GART: variants seen among roughly 807,000 people sequenced by gnomAD.
The protein encoded by GART is phosphoribosylglycinamide formyltransferase, phosphoribosylglycinamide synthetase, phosphoribosylaminoimidazole synthetase, also known as trifunctional purine biosynthetic protein adenosine-3.
Under a neutral mutation model 107.2 loss-of-function variants are expected in GART, and 43 were observed. That is an observed-to-expected ratio of 0.40 (90% confidence interval 0.31 to 0.52). The LOEUF (loss-of-function observed/expected upper bound fraction) is 0.52, where lower values mean the gene tolerates loss of function less well. GART is among the 20% of genes least tolerant of loss of function. GART has a pLI of 0.52. For missense variants in GART, 1,107 were observed against 1,206.5 expected (o/e 0.92, Z 1.22); for synonymous variants, 434 against 427.0 (o/e 1.02, Z -0.20).
At chr21:33,506,629 C>A (rs985762410) in intron 18 of GART, among the ~76,000 whole-genome samples, 2 of 152,252 alleles carry the variant, frequency 1.3e-5, no homozygotes, top group East Asian at 3.9e-4. Flanking sequence ...AGTAAGGAGA[C>A]AACCCACAGA....
At chr21:33,517,840 T>C (rs1166150639) in intron 14 of GART, among the ~76,000 whole-genome samples, 1 of 152,230 alleles carries the variant, frequency 6.6e-6, no homozygotes, top group African/African-American at 2.4e-5. Context: ...TACAAGTATA[T>C]ATGCAGCCGC....
intron 10 of GART, among the ~76,000 whole-genome samples, chr21:33,527,672 G>A (rs1007334007): frequency 3.3e-5 from 5 of 152,052 alleles, no homozygotes; most frequent in African/African-American, 9.7e-5. Flanking sequence ...TATATAAAGA[G>A]AGAGAGAAAA....
chr21:33,533,429 A>C (rs1266821228), intron 4 of GART, among the ~76,000 whole-genome samples: 1 of 127,806 alleles, frequency 7.8e-6, no homozygotes, highest in Non-Finnish European at 1.6e-5. Flanking sequence ...TGGGTGAAAG[A>C]ACGAGACTCA....
At chr21:33,508,265 A>G (rs1452313767) in intron 18 of GART, among the ~76,000 whole-genome samples, 1 of 152,146 alleles carries the variant, frequency 6.6e-6, no homozygotes, top group Non-Finnish European at 1.5e-5. Flanking sequence ...CTGCTTAATT[A>G]AGCAAGAAAA....
At position 33,524,947 on chromosome 21, in the gene GART, G is replaced by C; in HGVS notation, c.1120C>G (p.Leu374Val). 1 of 1,614,164 alleles carries C rather than the reference G, an allele frequency of 6.2e-7. No individual in the cohort carries two copies. The highest frequency in any genetic ancestry group is 1.3e-5 in the African/African-American group (1 of 75,024). Residue 374 changes from leucine to valine, a missense_variant, in exon 11 of 22, where the codon CTC (leucine) becomes GTC (valine). Physicochemically the swap from Leu to Val is conservative, Grantham distance 32. Coordinates refer to ENST00000381815, the MANE Select transcript of GART (RefSeq NM_000819.5). Reference sequence around the variant, plus strand: ...TGAGTTACTACTTTGCCATTTTTGAGGGCAGTGCCTGCATGGAACACCTCC... The same window carrying C: ...TGAGTTACTACTTTGCCATTTTTGACGGCAGTGCCTGCATGGAACACCTCC... Reference protein sequence around the residue: ...GLEVFHAGTALKNGKVVTHGG... With the variant: ...GLEVFHAGTAVKNGKVVTHGG...
At chr21:33,510,054 A>G in intron 17 of GART, 134 bp from the exon 18 acceptor site, 1 of 764,224 alleles carries the variant, frequency 1.3e-6, no homozygotes, top group South Asian at 1.9e-5. Flanking sequence ...GACTAAAATG[A>G]ACAACACATT....
chr21:33,521,537 C>A (rs1201075988), intron 12 of GART, among the ~76,000 whole-genome samples: 1 of 147,352 alleles, frequency 6.8e-6, no homozygotes, highest in African/African-American at 2.5e-5. Flanking sequence ...GAGGCTGAGG[C>A]AGGAGAATGG....
rs900163639 is a variant in GART at position 33,510,311 on chromosome 21, T to C, written c.2315-391A>G. 1.9e-5 allele frequency: 3 copies of C among 158,126 alleles called. No homozygotes were observed. In the South Asian group the frequency reaches 5.8e-4, roughly 31 times the overall value. The allele number at this position is 158,126 out of a possible 1,614,324, so 9.8% of individuals were successfully genotyped here. ...AGCCATTTAAAGGCTTGATATGCGA[T>C]GTTAAGAAAAAGAGGGTCTCTCTTT... On this transcript the variant is annotated intron_variant, in intron 17 of 21. Transcript: ENST00000381815.
intron 10 of GART, 76 bp from the exon 11 acceptor site, chr21:33,525,076 A>C (rs897775906): frequency 8.9e-6 from 13 of 1,467,966 alleles, no homozygotes; most frequent in African/African-American, 1.4e-5. Context: ...TACGATTTCC[A>C]CAAGTTTCTT....
At chr21:33,525,150 G>C (rs1402929560) in intron 10 of GART, 150 bp from the exon 11 acceptor site, 64 of 1,357,162 alleles carry the variant, frequency 4.7e-5, no homozygotes, top group Non-Finnish European at 6.0e-5. Flanking sequence ...ACTTTGGGAG[G>C]CTGAGGCAAG....
chr21:33,527,381 T>C (rs1229945549), intron 10 of GART, among the ~76,000 whole-genome samples: 1 of 152,068 alleles, frequency 6.6e-6, no homozygotes, highest in East Asian at 1.9e-4. Context: ...TAGCTGGGCC[T>C]GGTAGCATAC....
At position 33,517,146 on chromosome 21, in the gene GART, A is replaced by G. The variant is rs2084893349; in HGVS notation, c.1955-5T>C. 6.3e-7 allele frequency: 1 copy of G among 1,597,068 alleles called. No individual in the cohort carries two copies. Among genetic ancestry groups the G allele is most frequent in the Middle Eastern group, 1.7e-4 (1 of 5,956 alleles). On this transcript the variant is annotated splice_polypyrimidine_tract_variant and splice_region_variant and intron_variant, in intron 15 of 21. Coordinates refer to ENST00000381815, the MANE Select transcript of GART (RefSeq NM_000819.5). ...TAGGCGTGAGAAGTAAGTCCCCTGCATGTTGAAGAGAGAAGACAAAAACTT... is the reference window on the plus strand; with the variant it reads ...TAGGCGTGAGAAGTAAGTCCCCTGCGTGTTGAAGAGAGAAGACAAAAACTT...
At chr21:33,524,705 T>G in intron 11 of GART, 64 bp downstream of exon 11, 1 of 1,605,858 alleles carries the variant, frequency 6.2e-7, no homozygotes, top group Non-Finnish European at 8.5e-7. Flanking sequence ...TAATGAAATG[T>G]TCTACATAGC....
chr21:33,537,457 A>G (rs952560486), intron 2 of GART, among the ~76,000 whole-genome samples: 1 of 152,226 alleles, frequency 6.6e-6, no homozygotes, highest in African/African-American at 2.4e-5. Context: ...CCTTGCCCTC[A>G]TGGAGCTTAC....
At chr21:33,526,062 G>C (rs574015325) in intron 10 of GART, among the ~76,000 whole-genome samples, 9 of 151,642 alleles carry the variant, frequency 5.9e-5, no homozygotes, top group Non-Finnish European at 1.2e-4. Context: ...GTAGAGACAG[G>C]GTTTCACCGT....
chr21:33,520,704 T>C, intron 13 of GART, 142 bp from the exon 14 acceptor site: 1 of 759,888 alleles, frequency 1.3e-6, no homozygotes, highest in South Asian at 1.9e-5. Context: ...CATCCCCTTT[T>C]ATCCTCTAAA....
chr21:33,536,196 G>A (rs1366347719), intron 2 of GART, among the ~76,000 whole-genome samples: 1 of 152,182 alleles, frequency 6.6e-6, no homozygotes, highest in Non-Finnish European at 1.5e-5. Flanking sequence ...TTTGGGTTGG[G>A]TCAGGAGGGA....
At chr21:33,506,185 C>G in intron 18 of GART, 81 bp from the exon 19 acceptor site, 1 of 1,508,340 alleles carries the variant, frequency 6.6e-7, no homozygotes, top group African/African-American at 1.4e-5. Flanking sequence ...CTCTGTCGCC[C>G]AGGCTAGGAG....
chr21:33,523,737 C>T (rs904518375), intron 11 of GART, among the ~76,000 whole-genome samples: 1 of 151,998 alleles, frequency 6.6e-6, no homozygotes, highest in Non-Finnish European at 1.5e-5. Flanking sequence ...GAGGCTGAGG[C>T]AGGCAGATCA....
Sources: allele counts gnomAD v4.1 joint callset (sites outside exome capture counted in the v4.1 genomes callset), GRCh38; gene constraint gnomAD v4.1.1; transcripts MANE v1.5; gene names NCBI Gene and HGNC (gene_info 2026-07-23, HGNC 2026-07-21).